Variants in SPOPL observed in about 807,000 individuals in gnomAD.
SPOPL encodes the protein speckle type BTB/POZ protein like.
In SPOPL, 23 loss-of-function variants were observed where a neutral mutation model predicts 53.8. The observed-to-expected ratio is 0.43, with a 90% CI of 0.31 to 0.61. SPOPL has a LOEUF of 0.61. SPOPL is among the 20% of genes least tolerant of loss of function. The pLI is 0.12. For missense variants in SPOPL, 442 were observed against 466.9 expected (o/e 0.95, Z 0.49); for synonymous variants, 164 against 149.7 (o/e 1.10, Z -0.70).
At chr2:138,538,389 GGT>G (rs887143281) in intron 1 of SPOPL, among the ~76,000 whole-genome samples, 15 of 151,974 alleles carry the variant, frequency 9.9e-5, no homozygotes, top group African/African-American at 3.4e-4. Context: ...TCTATTATTT[GGT>G]GTATATATGT....
In SPOPL at chr2:138,533,736, T is replaced by A. The variant is rs555589485; in HGVS notation, c.-60-16421T>A. The stretch of plus-strand genomic sequence containing the variant: ...TCATATATATAAAGTTGTTTTGACC[T>A]CAGGCAGTATTTTGTTATAACATCC... On this transcript the variant is annotated intron_variant, in intron 1 of 10. Transcript: ENST00000280098. 2.3e-4 allele frequency among the ~76,000 whole-genome samples: 35 copies of A among 152,240 alleles called. 1 individual carries two copies. In the East Asian group the frequency reaches 5.4e-3, roughly 23 times the overall value.
At chr2:138,505,845 A>G (rs1684205921) in intron 1 of SPOPL, among the ~76,000 whole-genome samples, 2 of 152,150 alleles carry the variant, frequency 1.3e-5, no homozygotes, top group Admixed American at 6.5e-5. Context: ...AAGGCACACC[A>G]ATCCATTAGG....
chr2:138,539,246 A>G (rs1246736234), intron 1 of SPOPL, among the ~76,000 whole-genome samples: 5 of 152,184 alleles, frequency 3.3e-5, no homozygotes, highest in African/African-American at 7.2e-5. Flanking sequence ...ATGATTTATA[A>G]TCCTTTGGGT....
intron 1 of SPOPL, among the ~76,000 whole-genome samples, chr2:138,534,473 T>G (rs1684884217): frequency 6.6e-6 from 1 of 152,160 alleles, no homozygotes; most frequent in Non-Finnish European, 1.5e-5. Context: ...TGAATTTTGG[T>G]ATCCATGGGA....
At chr2:138,523,053 A>G (rs1684590994) in intron 1 of SPOPL, among the ~76,000 whole-genome samples, 1 of 152,210 alleles carries the variant, frequency 6.6e-6, no homozygotes, top group African/African-American at 2.4e-5. Flanking sequence ...AAGACAATAA[A>G]TGAAGTAGAC....
chr2:138,504,276 A>G (rs966459041), intron 1 of SPOPL, among the ~76,000 whole-genome samples: 1 of 152,176 alleles, frequency 6.6e-6, no homozygotes, highest in Non-Finnish European at 1.5e-5. Flanking sequence ...CTGTTCCCTG[A>G]CCTAGAATAA....
At chr2:138,554,179 A>G (rs1351403067) in intron 5 of SPOPL, among the ~76,000 whole-genome samples, 1 of 146,178 alleles carries the variant, frequency 6.8e-6, no homozygotes, top group African/African-American at 2.5e-5. Flanking sequence ...TGAAATTAAG[A>G]TTTTTTTTTT....
intron 8 of SPOPL, among the ~76,000 whole-genome samples, chr2:138,562,523 G>A (rs959555454): frequency 4.0e-5 from 6 of 151,892 alleles, no homozygotes; most frequent in African/African-American, 1.2e-4. Flanking sequence ...GGTGGCTCAC[G>A]CCTGTAATCC....
intron 1 of SPOPL, among the ~76,000 whole-genome samples, chr2:138,547,689 T>C (rs1020754624): frequency 2.6e-5 from 4 of 151,990 alleles, no homozygotes; most frequent in African/African-American, 9.7e-5. Context: ...TAAATAAAAA[T>C]AAGAAAAAAA....
At chr2:138,550,390 A>G (rs1366599004) in intron 2 of SPOPL, 93 bp from the exon 3 acceptor site, 12 of 1,583,990 alleles carry the variant, frequency 7.6e-6, no homozygotes, top group Non-Finnish European at 1.0e-5. Flanking sequence ...AGTTATTAGA[A>G]GTGTTAGAAG....
chr2:138,550,827 T>TTCTCTG, intron 3 of SPOPL, 76 bp from the exon 4 acceptor site: 1 of 1,367,406 alleles, frequency 7.3e-7, no homozygotes, highest in East Asian at 2.4e-5. Flanking sequence ...CTCTCTCTCT[T>TTCTCTG]TCTCTCTCTC....
intron 1 of SPOPL, among the ~76,000 whole-genome samples, chr2:138,504,944 A>G (rs1444102474): frequency 6.6e-5 from 10 of 152,272 alleles, no homozygotes; most frequent in Admixed American, 5.2e-4. Flanking sequence ...TTTTATTCCT[A>G]TTTTACAAAT....
chr2:138,568,957 A>T lies in SPOPL; in HGVS notation c.1056A>T (p.Glu352Asp), dbSNP rs748788213. ...WNSNQATDIM[E>D]TSGWKSMIQS... ...TCAGCCAAGCAACCGACATAATGGA[A>T]ACATCAGGGTGGAAGTCCATGATTC... Residue 352 changes from glutamate to aspartate, a missense_variant, in exon 11 of 11, where the codon GAA becomes GAT. By Grantham distance (45) the Glu-to-Asp change is conservative. Coordinates refer to ENST00000280098, the MANE Select transcript of SPOPL (RefSeq NM_001001664.3). 6.2e-7 allele frequency: 1 copy of T among 1,613,600 alleles called. No individual in the cohort carries two copies.
rs190265258 is a variant in SPOPL at position 138,505,376 on chromosome 2, A to G, written c.-61+3257A>G. Among the ~76,000 whole-genome samples, 10 of 152,220 alleles carry G rather than the reference A, an allele frequency of 6.6e-5. No individual in the cohort carries two copies. The East Asian group carries it at 1.5e-3, about 23-fold the overall frequency. ...CTTAACAAAAGTTTATTAACAACCC[A>G]TCTGTGCCAGTCTCTGGTGACATGT... On this transcript the variant is annotated intron_variant, in intron 1 of 10. Coordinates refer to ENST00000280098, the MANE Select transcript of SPOPL (RefSeq NM_001001664.3).
intron 1 of SPOPL, among the ~76,000 whole-genome samples, chr2:138,522,612 AT>A (rs201205172): frequency 3.3e-5 from 5 of 151,162 alleles, no homozygotes; most frequent in African/African-American, 7.3e-5. Flanking sequence ...TCCTTAGCCA[AT>A]TTTTTTTTCT....
chr2:138,550,017 A>G, intron 1 of SPOPL, 140 bp from the exon 2 acceptor site: 1 of 496,114 alleles, frequency 2.0e-6, no homozygotes, highest in East Asian at 2.9e-5. Flanking sequence ...AAAATCATTA[A>G]ATTTATCTAA....
At chr2:138,525,249 T>A (rs570286863) in intron 1 of SPOPL, among the ~76,000 whole-genome samples, 2 of 152,092 alleles carry the variant, frequency 1.3e-5, no homozygotes, top group Non-Finnish European at 2.9e-5. Flanking sequence ...TTTAAAACCA[T>A]CAGATCTCAT....
chr2:138,507,952 A>C (rs534823405), intron 1 of SPOPL, among the ~76,000 whole-genome samples: 17 of 152,326 alleles, frequency 1.1e-4, no homozygotes, highest in African/African-American at 3.4e-4. Flanking sequence ...CCAGTGACTT[A>C]TTATGGAAGA....
At chr2:138,566,150 T>C in intron 10 of SPOPL, among the ~76,000 whole-genome samples, 1 of 152,200 alleles carries the variant, frequency 6.6e-6, no homozygotes, top group African/African-American at 2.4e-5. Context: ...AGTTTGTAGA[T>C]TCTGTTTTCT....
Sources: allele counts gnomAD v4.1 joint callset (sites outside exome capture counted in the v4.1 genomes callset), GRCh38; gene constraint gnomAD v4.1.1; transcripts MANE v1.5; gene names NCBI Gene and HGNC (gene_info 2026-07-23, HGNC 2026-07-21).